ARFGEF1: variants seen among roughly 807,000 people sequenced by gnomAD.
ARFGEF1 encodes ARF guanine nucleotide exchange factor 1, also known as brefeldin A-inhibited guanine nucleotide-exchange protein 1.
A neutral mutation model predicts 231.0 loss-of-function variants in ARFGEF1; 42 were observed. The ratio of observed to expected loss-of-function variants is 0.18; its 90% CI spans 0.14 to 0.24. The LOEUF is 0.24. ARFGEF1 is among the 10% of genes least tolerant of loss of function. The pLI is 1.00. For synonymous variants in ARFGEF1, 710 were observed against 732.3 expected, an observed-to-expected ratio of 0.97 and a Z score of 0.49; for missense variants, 1,345 against 2,192.0, an observed-to-expected ratio of 0.61 and a Z score of 7.72.
intron 7 of ARFGEF1, among the ~76,000 whole-genome samples, chr8:67,281,354 A>C (rs1282978754): frequency 1.3e-5 from 2 of 152,100 alleles, no homozygotes; most frequent in Non-Finnish European, 2.9e-5. Flanking sequence ...ATCAACTGCT[A>C]CTCCTGATTT....
At position 67,203,224 on chromosome 8, in the gene ARFGEF1, C is replaced by T. The variant is rs756186000; in HGVS notation, c.4987G>A (p.Val1663Ile). The stretch of plus-strand genomic sequence containing the variant: ...TACATTCCTTGGTCTTGAGTATCAA[C>T]GCGAACATCAAAGTCCACCGCATCT... ...QRDAVDFDVR[V>I]DTQDQGMYRF... The change falls in exon 36 of 39, where the codon GTT becomes ATT. Residue 1663 changes from valine to isoleucine, a missense_variant. By Grantham distance (29) the Val-to-Ile change is conservative. Transcript: ENST00000262215. 6 of 1,614,122 alleles carry T rather than the reference C, an allele frequency of 3.7e-6. No homozygotes were observed. The South Asian group carries it at 4.4e-5, about 12-fold the overall frequency.
chr8:67,270,563 G>C lies in ARFGEF1; in HGVS notation c.1572+1139C>G, dbSNP rs1225685812. On this transcript the variant is annotated intron_variant, in intron 10 of 38. Transcript: ENST00000262215. ...AGGTAAAAACTGACAACATAAAAAT[G>C]AGTATTTCAAAACCATACAACATCA... 7.9e-5 allele frequency among the ~76,000 whole-genome samples: 12 copies of C among 151,864 alleles called. No homozygotes were observed. In the East Asian group the frequency reaches 2.1e-3, roughly 27 times the overall value.
intron 7 of ARFGEF1, among the ~76,000 whole-genome samples, chr8:67,287,163 T>C (rs1221769796): frequency 1.3e-5 from 2 of 152,218 alleles, no homozygotes; most frequent in Admixed American, 1.3e-4. Context: ...TTCCCAGAAC[T>C]GATAAAAGTG....
At chr8:67,257,468 T>A (rs780229830) in intron 17 of ARFGEF1, among the ~76,000 whole-genome samples, 3 of 152,234 alleles carry the variant, frequency 2.0e-5, no homozygotes, top group Non-Finnish European at 4.4e-5. Context: ...AAATGTCTTG[T>A]TAGATTAAAA....
chr8:67,332,992 AATGTTAGCTATTCTTTTTCCTCCTAT>A (rs771582278), intron 1 of ARFGEF1, among the ~76,000 whole-genome samples: 3 of 152,152 alleles, frequency 2.0e-5, no homozygotes, highest in Non-Finnish European at 4.4e-5. Context: ...ACACTCAATA[AATGTTAGCTATTCTTTTTCCTCCTAT>A]TATTGCCTTA....
chr8:67,270,714 TA>T (rs11349768), intron 10 of ARFGEF1, among the ~76,000 whole-genome samples: 69,276 of 127,574 alleles, frequency 0.54, 18,923 homozygotes, highest in African/African-American at 0.7. Flanking sequence ...TGGTACACCT[TA>T]AAAAAAAAAA....
intron 1 of ARFGEF1, among the ~76,000 whole-genome samples, chr8:67,336,013 T>C (rs1808331819): frequency 6.6e-6 from 1 of 152,168 alleles, no homozygotes; most frequent in Admixed American, 6.5e-5. Flanking sequence ...CCTCCCGAAG[T>C]GCTGGGATTA....
intron 6 of ARFGEF1, among the ~76,000 whole-genome samples, chr8:67,291,472 A>T (rs1266024089): frequency 2.6e-5 from 4 of 151,088 alleles, no homozygotes; most frequent in Non-Finnish European, 5.9e-5. Context: ...ATTTTTTAAA[A>T]TTTTCAGTCA....
chr8:67,183,924 C>G (rs1188066054), intron 5 of ARFGEF1, among the ~76,000 whole-genome samples: 1 of 139,242 alleles, frequency 7.2e-6, no homozygotes, highest in Non-Finnish European at 1.5e-5. Flanking sequence ...GTGATCTTGG[C>G]TCACTGCAAC....
chr8:67,267,105 T>C lies in ARFGEF1; in HGVS notation c.1798A>G (p.Met600Val). ...AQGRGSQELG[M>V]SNVQELSLRK... ...ATAGTTCTTACCTGAACATTACTCATACCAAGTTCTTGACTGCCCCTTCCT... is the reference window on the plus strand; with the variant it reads ...ATAGTTCTTACCTGAACATTACTCACACCAAGTTCTTGACTGCCCCTTCCT... Residue 600 changes from methionine to valine, a missense_variant, in exon 12 of 39, where the codon ATG (methionine) becomes GTG (valine). Met to Val is a conservative substitution (Grantham distance 21, BLOSUM62 1). This residue lies in a region of ARFGEF1 where 141 missense variants were observed against 259.9 expected (regional missense o/e 0.54). Transcript: ENST00000262215. The C allele has an allele frequency of 1.2e-6, 2 of 1,613,092 alleles. No individual in the cohort carries two copies. The highest frequency in any genetic ancestry group is 1.7e-6 in the Non-Finnish European group (2 of 1,179,696).
Position 67,238,755 on chromosome 8 carries a change from A to C in ARFGEF1, c.3118T>G (p.Leu1040Val). 1 of 1,613,726 alleles carries C rather than the reference A, an allele frequency of 6.2e-7. No homozygotes were observed. The highest frequency in any genetic ancestry group is 2.2e-5 in the East Asian group (1 of 44,804). ...TATACCTCATGCCATGAATTTCCTA[A>C]ATAATTTCCATCTGTATGAGCCACT... ...ITVAHTDGNY[L>V]GNSWHEILKC... The change falls in exon 21 of 39, where the codon TTA (leucine) becomes GTA (valine). Residue 1040 changes from leucine to valine, a missense_variant. Around this residue, in one of 14 missense-constraint regions of ARFGEF1, gnomAD observed 146 missense variants for 321.4 expected, o/e 0.45. Coordinates refer to ENST00000262215, the MANE Select transcript of ARFGEF1 (RefSeq NM_006421.5).
In ARFGEF1 at chr8:67,292,127, G is replaced by T. The variant is rs781328785; in HGVS notation, c.640-4C>A. The stretch of plus-strand genomic sequence containing the variant: ...CCATTTGTTTTGCTTCCTGTAACTG[G>T]AAATAAATAAAATTTCCAATATTAG... On this transcript the variant is annotated splice_region_variant and splice_polypyrimidine_tract_variant and intron_variant, in intron 5 of 38. Transcript: ENST00000262215. The T allele has an allele frequency of 3.7e-6, 6 of 1,603,786 alleles. No individual in the cohort carries two copies. In the African/African-American group the frequency reaches 5.4e-5, roughly 14 times the overall value.
chr8:67,203,928 A>T (rs908357132), intron 35 of ARFGEF1, among the ~76,000 whole-genome samples: 1 of 152,040 alleles, frequency 6.6e-6, no homozygotes, highest in Non-Finnish European at 1.5e-5. Flanking sequence ...ACCCCAGGTG[A>T]TTCCCACTCT....
At chr8:67,187,276 AGAAGAGTTGGAG>A (rs1222600070) in intron 5 of ARFGEF1, among the ~76,000 whole-genome samples, 25 of 152,232 alleles carry the variant, frequency 1.6e-4, no homozygotes, top group Admixed American at 6.5e-5. Flanking sequence ...ATGTTTAAAG[AGAAGAGTTGGAG>A]GACTCTCACA....
At chr8:67,283,056 T>C (rs960987436) in intron 7 of ARFGEF1, among the ~76,000 whole-genome samples, 4 of 152,038 alleles carry the variant, frequency 2.6e-5, no homozygotes, top group Non-Finnish European at 5.9e-5. Context: ...AGTAGTCCAA[T>C]GATATTTAGT....
chr8:67,174,154 C>G (rs1255851024), downstream of ARFGEF1: 4 of 151,962 alleles, frequency 2.6e-5, no homozygotes, highest in Non-Finnish European at 4.4e-5. Context: ...ACATCTTGCC[C>G]TCATTCACCC....
chr8:67,299,413 A>C (rs1307700368), intron 3 of ARFGEF1, 58 bp from the exon 4 acceptor site: 3 of 1,416,802 alleles, frequency 2.1e-6, no homozygotes, highest in Non-Finnish European at 2.9e-6. Context: ...TATACATACT[A>C]ATGCAATATA....
At chr8:67,192,084 T>C (rs898470843) in intron 5 of ARFGEF1, among the ~76,000 whole-genome samples, 1 of 151,110 alleles carries the variant, frequency 6.6e-6, no homozygotes, top group Admixed American at 6.6e-5. Context: ...TTTTGTTTTT[T>C]TTTTTTGATA....
intron 13 of ARFGEF1, 28 bp from the exon 14 acceptor site, chr8:67,266,235 A>C (rs1224892757): frequency 6.4e-7 from 1 of 1,569,938 alleles, no homozygotes; most frequent in African/African-American, 1.4e-5. Context: ...GATAGAGTAC[A>C]TTATTCTATC....
Sources: gnomAD v4.1 joint callset for allele counts (sites outside exome capture counted in the v4.1 genomes callset) on GRCh38, gnomAD v4.1.1 for gene constraint, gnomAD v4.1.1 regional missense constraint, MANE v1.5 for transcripts, NCBI Gene and HGNC (gene_info 2026-07-23, HGNC 2026-07-21) for gene names.